The following ADGRL2 variants were observed in gnomAD, a reference collection of about 807,000 sequenced individuals.
ADGRL2 encodes adhesion G protein-coupled receptor L2.
ADGRL2 carries 44 observed loss-of-function variants against 157.4 expected under a neutral mutation model. The observed-to-expected ratio is 0.28, with a 90% CI of 0.22 to 0.36. The LOEUF is 0.36. ADGRL2 is among the 10% of genes least tolerant of loss of function. ADGRL2 has a pLI of 1.00. For missense variants in ADGRL2, 1,510 were observed against 1,768.9 expected, an observed-to-expected ratio of 0.85 and a Z score of 2.63; for synonymous variants, 585 against 624.7, an observed-to-expected ratio of 0.94 and a Z score of 0.95.
intron 2 of ADGRL2, among the ~76,000 whole-genome samples, chr1:81,777,759 T>G (rs1256788406): frequency 6.6e-6 from 1 of 152,112 alleles, no homozygotes; most frequent in East Asian, 1.9e-4. Flanking sequence ...GAGACTCTGT[T>G]TCAACAAAAT....
chr1:81,619,544 T>C (rs1447969457), intron 3 of ADGRL2, among the ~76,000 whole-genome samples: 2 of 122,532 alleles, frequency 1.6e-5, no homozygotes, highest in Admixed American at 1.7e-4. Context: ...GAAAATTGTC[T>C]GAAGTTTTCT....
chr1:81,879,276 A>C (rs1441691225), intron 2 of ADGRL2, among the ~76,000 whole-genome samples: 1 of 148,584 alleles, frequency 6.7e-6, no homozygotes, highest in Non-Finnish European at 1.5e-5. Context: ...TTAGCGAGCA[A>C]GCTCAGGAAA....
intron 1 of ADGRL2, among the ~76,000 whole-genome samples, chr1:81,757,237 A>T (rs992696987): frequency 6.6e-6 from 1 of 152,156 alleles, no homozygotes; most frequent in Non-Finnish European, 1.5e-5. Context: ...AAGGGTCTGG[A>T]GGGGCAGGGG....
At chr1:81,982,649 AG>A (rs1661997653) in intron 19 of ADGRL2, among the ~76,000 whole-genome samples, 1 of 151,898 alleles carries the variant, frequency 6.6e-6, no homozygotes, top group Admixed American at 6.6e-5. Context: ...TGTTATTACT[AG>A]TTGGTCACTA....
At chr1:81,433,717 C>A (rs2077362337) in intron 1 of ADGRL2, among the ~76,000 whole-genome samples, 1 of 152,158 alleles carries the variant, frequency 6.6e-6, no homozygotes, top group Non-Finnish European at 1.5e-5. Flanking sequence ...TAATAAAGCA[C>A]CCTGAAATTT....
chr1:81,322,237 C>A lies in ADGRL2; in HGVS notation c.-302+15728C>A, dbSNP rs535726918. Among the ~76,000 whole-genome samples the A allele has an allele frequency of 1.1e-4, 16 of 151,094 alleles. No individual in the cohort carries two copies. In the South Asian group the frequency reaches 3.1e-3, roughly 29 times the overall value. ...ACTGTATAAACAAAAATATGTGATTCTTTGACCCTACCTGGGGGGTGAAAT... is the reference window on the plus strand; with the variant it reads ...ACTGTATAAACAAAAATATGTGATTATTTGACCCTACCTGGGGGGTGAAAT... On this transcript the variant is annotated intron_variant, in intron 1 of 24. Transcript: ENST00000370721.
intron 1 of ADGRL2, among the ~76,000 whole-genome samples, chr1:81,807,655 A>G (rs1230952358): frequency 6.6e-6 from 1 of 151,936 alleles, no homozygotes; most frequent in Non-Finnish European, 1.5e-5. Context: ...TTTCTAAAGG[A>G]GTAACAAGGG....
In ADGRL2 at chr1:81,987,652, G is replaced by GTA. The variant is rs1041895415; in HGVS notation, c.3638-207_3638-206dup. Among the ~76,000 whole-genome samples, 25 of 151,394 alleles carry GTA rather than the reference G, an allele frequency of 1.7e-4. No individual in the cohort carries two copies. In the South Asian group the frequency reaches 2.3e-3, roughly 14 times the overall value. ...GTTTAATAGCTTATTTTAAATAAAA[G>GTA]TATATATATATTTAATATTAACAGA... On this transcript the variant is annotated intron_variant, in intron 22 of 23. Coordinates refer to ENST00000686636, the MANE Select transcript of ADGRL2 (RefSeq NM_001366006.2).
upstream of ADGRL2, chr1:81,800,364 C>G (rs1048879513): frequency 1.3e-5 from 2 of 152,152 alleles, no homozygotes; most frequent in East Asian, 3.9e-4. Context: ...CCTGGAGCGT[C>G]CCCCGCGCGC....
At chr1:81,753,811 A>G (rs555349784) in intron 1 of ADGRL2, among the ~76,000 whole-genome samples, 1 of 152,326 alleles carries the variant, frequency 6.6e-6, no homozygotes, top group African/African-American at 2.4e-5. Flanking sequence ...AACACTTCAA[A>G]TATCTGGAAA....
intron 2 of ADGRL2, among the ~76,000 whole-genome samples, chr1:81,884,587 C>T (rs529214208): frequency 4.6e-5 from 7 of 152,132 alleles, no homozygotes; most frequent in Non-Finnish European, 7.4e-5. Context: ...CACTATGTAT[C>T]TGCTCTTTCA....
intron 1 of ADGRL2, among the ~76,000 whole-genome samples, chr1:81,825,078 G>A (rs1038195541): frequency 1.3e-5 from 2 of 151,878 alleles, no homozygotes; most frequent in African/African-American, 4.8e-5. Context: ...GGGCGCAGTG[G>A]CTCAAGCCTG....
At chr1:81,814,021 A>T (rs2149713158) in intron 1 of ADGRL2, among the ~76,000 whole-genome samples, 1 of 151,856 alleles carries the variant, frequency 6.6e-6, no homozygotes, top group South Asian at 2.1e-4. Context: ...ATCTGAATCC[A>T]TTGAAAAGAA....
intron 3 of ADGRL2, among the ~76,000 whole-genome samples, chr1:81,616,311 C>A (rs549961269): frequency 6.6e-6 from 1 of 152,176 alleles, no homozygotes; most frequent in Admixed American, 6.5e-5. Flanking sequence ...AGGTACCACA[C>A]GCAGGACCCA....
intron 1 of ADGRL2, among the ~76,000 whole-genome samples, chr1:81,321,421 C>T (rs998449854): frequency 2.6e-5 from 4 of 152,202 alleles, no homozygotes; most frequent in African/African-American, 9.6e-5. Flanking sequence ...CATGTCTGAG[C>T]TTTTAACATG....
intron 1 of ADGRL2, among the ~76,000 whole-genome samples, chr1:81,314,050 G>T (rs1659940054): frequency 6.6e-6 from 1 of 152,176 alleles, no homozygotes; most frequent in South Asian, 2.1e-4. Context: ...ATTAGGCAGT[G>T]CAAAATGCTG....
At chr1:81,698,530 G>T (rs769724301), upstream of ADGRL2, among the ~76,000 whole-genome samples, 2 of 152,268 alleles carry the variant, frequency 1.3e-5, no homozygotes, top group Admixed American at 6.5e-5. Flanking sequence ...GCAATATTTT[G>T]TAAGAAATTT....
chr1:81,800,000 T>A (rs560278744), upstream of ADGRL2, among the ~76,000 whole-genome samples: 2 of 152,254 alleles, frequency 1.3e-5, no homozygotes, highest in South Asian at 4.2e-4. Context: ...TCAGCTTAGG[T>A]CCATCGTAGG....
rs776305485 is a variant in ADGRL2, at chr1:81,936,736, A to G, written c.296A>G (p.Asn99Ser). ...AFKIMTQRCNNRTQCIVVTGS... is the reference protein window; with the variant it reads ...AFKIMTQRCNSRTQCIVVTGS... Reference sequence around the variant, plus strand: ...TACATTTTGTTTTTCAGGTGCAACAATCGAACACAGTGTATAGTAGTTACT... The same window carrying G: ...TACATTTTGTTTTTCAGGTGCAACAGTCGAACACAGTGTATAGTAGTTACT... Residue 99 changes from asparagine to serine, a missense_variant, in exon 4 of 24, where the codon AAT becomes AGT. Asn to Ser is a conservative substitution (Grantham distance 46). Coordinates refer to ENST00000686636, the MANE Select transcript of ADGRL2 (RefSeq NM_001366006.2). 6 of 1,580,554 alleles carry G rather than the reference A, an allele frequency of 3.8e-6. No individual in the cohort carries two copies. The highest frequency in any genetic ancestry group is 4.5e-5 in the East Asian group (2 of 44,508).
Sources: gnomAD v4.1 joint callset for allele counts (sites outside exome capture counted in the v4.1 genomes callset) on GRCh38, gnomAD v4.1.1 for gene constraint, MANE v1.5 for transcripts, NCBI Gene and HGNC (gene_info 2026-07-23, HGNC 2026-07-21) for gene names.